Variants in EFTUD2 observed in about 807,000 individuals in gnomAD.
The protein encoded by EFTUD2 is elongation factor Tu GTP binding domain containing 2, also known as 116 kDa U5 small nuclear ribonucleoprotein component.
A neutral mutation model predicts 114.3 loss-of-function variants in EFTUD2; 9 were observed. That is an observed-to-expected ratio of 0.08 (90% CI 0.05 to 0.14). The LOEUF (loss-of-function observed/expected upper bound fraction) is 0.14. Ranked by LOEUF, EFTUD2 falls within the 10% of genes least tolerant of loss-of-function variation. The pLI is 1.00. For missense variants in EFTUD2, 765 were observed against 1,241.2 expected, an observed-to-expected ratio of 0.62 and a Z score of 5.76; for synonymous variants, 449 against 462.3, an observed-to-expected ratio of 0.97 and a Z score of 0.37.
In EFTUD2 at chr17:44,863,651, T is replaced by G. The variant is rs2050695847; in HGVS notation, c.1413+4A>C. 1.2e-6 allele frequency: 2 copies of G among 1,612,348 alleles called. No homozygotes were observed. Among genetic ancestry groups the G allele is most frequent in the Non-Finnish European group, 1.7e-6 (2 of 1,179,032 alleles). On this transcript the variant is annotated splice_donor_region_variant and intron_variant, in intron 15 of 27. Coordinates refer to ENST00000426333, the MANE Select transcript of EFTUD2 (RefSeq NM_004247.4). ...CAGAGAACCGGGGAGCCACATGCCC[T>G]TACATCAGGGTCACAGTCACTCATA...
At chr17:44,895,280 G>C (rs71373525) in intron 1 of EFTUD2, among the ~76,000 whole-genome samples, 8,589 of 152,342 alleles carry the variant, frequency 0.056, 317 homozygotes, top group Non-Finnish European at 0.081. Flanking sequence ...CAGATGACCT[G>C]AGGTCAGGAG....
chr17:44,856,943 G>C lies in EFTUD2; in HGVS notation c.2045+132C>G, dbSNP rs906799214. ...AGGGCTGGAGTGAAACTCAAGTATT[G>C]TAAGCACCCCCTATTCTGAGCTGTA... On this transcript the variant is annotated intron_variant, in intron 20 of 27. Transcript: ENST00000426333. 7 of 687,042 alleles carry C rather than the reference G, an allele frequency of 1.0e-5. No homozygotes were observed. The East Asian group carries it at 2.0e-4, about 19-fold the overall frequency. The allele number at this position is 687,042 out of a possible 1,614,324, so 42.6% of individuals were successfully genotyped here. A position where few individuals can be genotyped will look rare whatever the true frequency, so the allele number is the denominator to read the frequency against.
chr17:44,854,262 G>A lies in EFTUD2; in HGVS notation c.2347+7C>T. ...GGACTGGGGTGGGGGAGTGCTGGTG[G>A]ACTTACATTCATCACAGAGGGGGCC... On this transcript the variant is annotated splice_region_variant and intron_variant, in intron 23 of 27. Transcript: ENST00000426333. The surrounding 1 kb of genome is among the most constrained non-coding windows in gnomAD (Gnocchi z 4.3). The A allele has an allele frequency of 6.2e-7, 1 of 1,611,474 alleles. No individual in the cohort carries two copies. Among genetic ancestry groups the A allele is most frequent in the Non-Finnish European group, 8.5e-7 (1 of 1,178,690 alleles).
intron 20 of EFTUD2, among the ~76,000 whole-genome samples, chr17:44,855,880 A>T (rs183597549): frequency 2.0e-5 from 3 of 151,188 alleles, no homozygotes; most frequent in Non-Finnish European, 4.4e-5. Flanking sequence ...TGGACCCGGG[A>T]GGCAGAGGTT....
At chr17:44,883,445 G>C (rs1401086665) in intron 5 of EFTUD2, 2 of 616,450 alleles carry the variant, frequency 3.2e-6, no homozygotes, top group African/African-American at 3.7e-5. Context: ...GCTCAGGCAT[G>C]CAAGTGGCTT....
intron 10 of EFTUD2, among the ~76,000 whole-genome samples, chr17:44,874,031 GCCT>G (rs1342629502): frequency 7.0e-6 from 1 of 143,210 alleles, no homozygotes; most frequent in Non-Finnish European, 1.5e-5. Context: ...ACCGTGCCCG[GCCT>G]CTTTTTTTTT....
intron 2 of EFTUD2, among the ~76,000 whole-genome samples, chr17:44,893,242 C>T (rs2051314667): frequency 6.6e-6 from 1 of 152,058 alleles, no homozygotes; most frequent in South Asian, 2.1e-4. Context: ...CCTGCCTCGG[C>T]CTTCCAAGCA....
At chr17:44,884,826 G>A (rs1221755830) in intron 4 of EFTUD2, among the ~76,000 whole-genome samples, 2 of 152,104 alleles carry the variant, frequency 1.3e-5, no homozygotes, top group Admixed American at 1.3e-4. Context: ...GGTCAAGGCT[G>A]CAATGAGCCA....
At chr17:44,868,044 A>C in intron 12 of EFTUD2, 147 bp from the exon 13 acceptor site, 2 of 913,150 alleles carry the variant, frequency 2.2e-6, no homozygotes, top group East Asian at 5.4e-5. Flanking sequence ...AGATTCCTGG[A>C]AGGATACATG....
rs770747714 is a variant in EFTUD2 at position 44,851,262 on chromosome 17, G to C, written c.*12C>G. ...CACTGTAGGGAGCAGGAGCTCCCAGGAGTCCACGCACTCACATGGGGTAAT... is the reference window on the plus strand; with the variant it reads ...CACTGTAGGGAGCAGGAGCTCCCAGCAGTCCACGCACTCACATGGGGTAAT... On this transcript the variant is annotated 3_prime_UTR_variant, in exon 28 of 28. Transcript: ENST00000426333. The C allele has an allele frequency of 1.2e-6, 2 of 1,611,380 alleles. No individual in the cohort carries two copies. The highest frequency in any genetic ancestry group is 3.3e-5 in the Admixed American group (2 of 60,024).
At chr17:44,872,596 A>G in intron 10 of EFTUD2, 26 bp from the exon 11 acceptor site, 1 of 1,581,568 alleles carries the variant, frequency 6.3e-7, no homozygotes, top group South Asian at 1.1e-5. Context: ...TGGTGAACAC[A>G]GTGCCAGGCT....
intron 10 of EFTUD2, among the ~76,000 whole-genome samples, chr17:44,873,349 C>T (rs1175356283): frequency 6.6e-6 from 1 of 152,138 alleles, no homozygotes; most frequent in Admixed American, 6.5e-5. Flanking sequence ...GTTACTTTTT[C>T]TTGCTTAGAG....
intron 16 of EFTUD2, 52 bp from the exon 17 acceptor site, chr17:44,860,595 ATTTTTT>A (rs34404174): frequency 1.5e-4 from 99 of 671,996 alleles, no homozygotes; most frequent in South Asian, 1.9e-4. Flanking sequence ...GCATTCCCTA[ATTTTTT>A]TTTTTTTTTT....
chr17:44,876,190 T>G, intron 9 of EFTUD2, 90 bp from the exon 10 acceptor site: 1 of 1,450,858 alleles, frequency 6.9e-7, no homozygotes, highest in Non-Finnish European at 9.2e-7. Flanking sequence ...TTTCAAACCA[T>G]GAAGCCTGGG....
At chr17:44,896,589 G>A (rs2051389094) in intron 1 of EFTUD2, among the ~76,000 whole-genome samples, 1 of 152,234 alleles carries the variant, frequency 6.6e-6, no homozygotes, top group South Asian at 2.1e-4. Flanking sequence ...AGAGGTTGCA[G>A]TGAGCTGAGA....
At chr17:44,880,279 T>C (rs569407694) in intron 8 of EFTUD2, among the ~76,000 whole-genome samples, 154 of 152,248 alleles carry the variant, frequency 1.0e-3, no homozygotes, top group Middle Eastern at 3.4e-3. Context: ...GCAGATAGCA[T>C]GGGGCCTGAC....
At position 44,854,161 on chromosome 17, in the gene EFTUD2, C is replaced by T; in HGVS notation, c.2347+108G>A. ...AGGACTTGGGATGGTCCTGTGTACC[C>T]CAAGCTGCTTCTCCTGCCGAATCCT... On this transcript the variant is annotated intron_variant, in intron 23 of 27. Transcript: ENST00000426333. This position sits in a 1 kb window ranked among gnomAD's most constrained non-coding sequence, Gnocchi z 4.3. 2.1e-6 allele frequency: 3 copies of T among 1,430,496 alleles called. No individual in the cohort carries two copies. Among genetic ancestry groups the T allele is most frequent in the Non-Finnish European group, 2.8e-6 (3 of 1,058,160 alleles). 88.6% of individuals were successfully genotyped at this position (1,430,496 alleles called of 1,614,324 possible).
intron 26 of EFTUD2, 33 bp from the exon 27 acceptor site, chr17:44,851,850 C>T: frequency 6.4e-7 from 1 of 1,562,070 alleles, no homozygotes; most frequent in Non-Finnish European, 8.7e-7. Flanking sequence ...ATGGCCCAGG[C>T]AGAATTCCCA....
chr17:44,886,968 T>C (rs929417823), intron 2 of EFTUD2, among the ~76,000 whole-genome samples: 1 of 152,156 alleles, frequency 6.6e-6, no homozygotes. Flanking sequence ...AACTTGCCCC[T>C]TTCTGAATGT....
Sources: gnomAD v4.1 joint callset for allele counts (sites outside exome capture counted in the v4.1 genomes callset) on GRCh38, gnomAD v4.1.1 for gene constraint, Gnocchi (gnomAD v3.1) non-coding constraint, MANE v1.5 for transcripts, NCBI Gene and HGNC (gene_info 2026-07-23, HGNC 2026-07-21) for gene names.